Variants in ADAMTS3 observed in about 807,000 individuals in gnomAD.
The protein encoded by ADAMTS3 is ADAM metallopeptidase with thrombospondin type 1 motif 3.
ADAMTS3 carries 73 observed loss-of-function variants against 129.0 expected under a neutral mutation model. The ratio of observed to expected loss-of-function variants is 0.57; its 90% confidence interval spans 0.47 to 0.69. ADAMTS3 has a LOEUF of 0.69. Among genes scored for constraint, ADAMTS3 ranks in the 30% least tolerant of loss-of-function variants. The pLI is 0.00. For synonymous variants in ADAMTS3, 477 were observed against 510.8 expected (o/e 0.93, Z 0.89); for missense variants, 1,457 against 1,514.5 (o/e 0.96, Z 0.63).
intron 5 of ADAMTS3, among the ~76,000 whole-genome samples, chr4:72,328,249 T>C (rs984407881): frequency 2.6e-5 from 4 of 152,242 alleles, no homozygotes; most frequent in African/African-American, 9.6e-5. Context: ...GACCTGATGT[T>C]GGAAGAGTTT....
chr4:72,428,945 TAAGA>T (rs1391910966), intron 3 of ADAMTS3, among the ~76,000 whole-genome samples: 1 of 152,020 alleles, frequency 6.6e-6, no homozygotes, highest in East Asian at 1.9e-4. Context: ...CTTAACTCCT[TAAGA>T]AAGTAGGTCG....
intron 17 of ADAMTS3, among the ~76,000 whole-genome samples, chr4:72,301,195 G>T (rs1718941508): frequency 6.6e-6 from 1 of 151,828 alleles, no homozygotes; most frequent in African/African-American, 2.4e-5. Context: ...ACCAAAAAAA[G>T]TAGGAGAAAA....
In ADAMTS3 at chr4:72,505,768, T is replaced by C. The variant is rs1560541603; in HGVS notation, c.504+42710A>G. On this transcript the variant is annotated intron_variant, in intron 3 of 21. Transcript: ENST00000286657. ...AGCCTAGACTTCTAATCCTGGAAAG[T>C]GGACACTCCAGATGGCTGTAGGTCT... is the stretch of plus-strand genomic sequence containing the variant. 2.0e-5 allele frequency among the ~76,000 whole-genome samples: 3 copies of C among 152,206 alleles called. No individual in the cohort carries two copies. The South Asian group carries it at 6.2e-4, about 31-fold the overall frequency.
chr4:72,409,932 C>G (rs73827091), intron 4 of ADAMTS3, among the ~76,000 whole-genome samples: 5,294 of 152,190 alleles, frequency 0.035, 314 homozygotes, highest in African/African-American at 0.12. Flanking sequence ...TAAGATGATG[C>G]AGGTGTAAAA....
intron 3 of ADAMTS3, among the ~76,000 whole-genome samples, chr4:72,478,149 T>C (rs2110001673): frequency 6.6e-6 from 1 of 152,252 alleles, no homozygotes; most frequent in South Asian, 2.1e-4. Context: ...CTGAAACTAT[T>C]CCAATCAACA....
At chr4:72,405,142 A>G (rs1299837051) in intron 4 of ADAMTS3, among the ~76,000 whole-genome samples, 1 of 152,110 alleles carries the variant, frequency 6.6e-6, no homozygotes. Flanking sequence ...GGCTCCTGAG[A>G]ATATTAAAAA....
chr4:72,366,591 A>G (rs144127841), intron 4 of ADAMTS3, among the ~76,000 whole-genome samples: 1,644 of 152,234 alleles, frequency 0.011, 43 homozygotes, highest in African/African-American at 0.037. Flanking sequence ...AAATTATTAT[A>G]TGCCATATCT....
intron 3 of ADAMTS3, among the ~76,000 whole-genome samples, chr4:72,450,922 G>GGGAAGGAAGGAA (rs4019789): frequency 1.3e-4 from 19 of 144,216 alleles, no homozygotes; most frequent in Middle Eastern, 3.3e-3. Context: ...GAGGAGAGCA[G>GGGAAGGAAGGAA]GGAAGGAAGG....
At position 72,500,612 on chromosome 4, in the gene ADAMTS3, A is replaced by C. The variant is rs186274785; in HGVS notation, c.504+47866T>G. Among the ~76,000 whole-genome samples, 15 of 152,188 alleles carry C rather than the reference A, an allele frequency of 9.9e-5. No individual in the cohort carries two copies. In the East Asian group the frequency reaches 2.7e-3, roughly 27 times the overall value. The stretch of plus-strand genomic sequence containing the variant: ...ATTTTGCTGTACAGAAAAGCTCTTT[A>C]GTTTAATTATGTTCTCCTTGTCAGT... On this transcript the variant is annotated intron_variant, in intron 3 of 21. Transcript: ENST00000286657.
At chr4:72,436,027 T>G (rs1717901804) in intron 3 of ADAMTS3, among the ~76,000 whole-genome samples, 1 of 152,008 alleles carries the variant, frequency 6.6e-6, no homozygotes, top group South Asian at 2.1e-4. Flanking sequence ...CTAAAGAGCT[T>G]CTGCGCAACA....
At chr4:72,403,068 T>A (rs1721965296) in intron 4 of ADAMTS3, among the ~76,000 whole-genome samples, 1 of 152,126 alleles carries the variant, frequency 6.6e-6, no homozygotes, top group Non-Finnish European at 1.5e-5. Flanking sequence ...CAAAGTGTTC[T>A]TTAAGCTTTA....
Position 72,478,769 on chromosome 4 carries a change from G to C in ADAMTS3, c.505-63798C>G, listed in dbSNP as rs76129059. ...AGTCAAATTGTCCCTGTTTGCAGTT[G>C]ACATGATTCTATATCTAGAAAACCC... is the stretch of plus-strand genomic sequence containing the variant. On this transcript the variant is annotated intron_variant, in intron 3 of 21. Coordinates refer to ENST00000286657, the MANE Select transcript of ADAMTS3 (RefSeq NM_014243.3). Among the ~76,000 whole-genome samples, 3 of 151,996 alleles carry C rather than the reference G, an allele frequency of 2.0e-5. No homozygotes were observed. The East Asian group carries it at 5.8e-4, about 29-fold the overall frequency.
At chr4:72,292,683 A>G (rs978040908) in intron 19 of ADAMTS3, among the ~76,000 whole-genome samples, 2 of 152,204 alleles carry the variant, frequency 1.3e-5, no homozygotes, top group East Asian at 3.9e-4. Context: ...TGGTTATGCA[A>G]GCTGTCTGTA....
At chr4:72,519,278 C>T (rs1349550723) in intron 3 of ADAMTS3, among the ~76,000 whole-genome samples, 1 of 152,170 alleles carries the variant, frequency 6.6e-6, no homozygotes, top group African/African-American at 2.4e-5. Flanking sequence ...ACATTTTTTC[C>T]TTCATTTCAA....
At chr4:72,562,962 A>C (rs1027080735) in intron 2 of ADAMTS3, among the ~76,000 whole-genome samples, 4 of 152,198 alleles carry the variant, frequency 2.6e-5, no homozygotes, top group Non-Finnish European at 5.9e-5. Flanking sequence ...TCTTCATATC[A>C]AAATTACTCA....
intron 4 of ADAMTS3, among the ~76,000 whole-genome samples, chr4:72,343,476 TTTC>T (rs1720192423): frequency 6.6e-6 from 1 of 152,172 alleles, no homozygotes; most frequent in South Asian, 2.1e-4. Flanking sequence ...ACCTAGATAA[TTTC>T]TTCTTTACTC....
chr4:72,291,973 G>A (rs193079094), intron 19 of ADAMTS3, among the ~76,000 whole-genome samples: 71 of 152,216 alleles, frequency 4.7e-4, no homozygotes, highest in Non-Finnish European at 7.9e-4. Flanking sequence ...TTTCCTAAAG[G>A]ATGATCTACA....
chr4:72,382,992 A>AATACCATGC (rs1721333804), intron 4 of ADAMTS3, among the ~76,000 whole-genome samples: 1 of 152,216 alleles, frequency 6.6e-6, no homozygotes, highest in Non-Finnish European at 1.5e-5. Flanking sequence ...ATACCCATGT[A>AATACCATGC]ACAAACCTGC....
rs113724540 is a variant in ADAMTS3, at chr4:72,492,592, T to C, written c.504+55886A>G. Reference sequence around the variant, plus strand: ...AAAAGTGATTTTTATTTTGGAATGATTTTTATTTTCTTAAATTTGTTGAGA... The same window carrying C: ...AAAAGTGATTTTTATTTTGGAATGACTTTTATTTTCTTAAATTTGTTGAGA... On this transcript the variant is annotated intron_variant, in intron 3 of 21. Transcript: ENST00000286657. Among the ~76,000 whole-genome samples, 525 of 152,032 alleles carry C rather than the reference T, an allele frequency of 3.5e-3. 6 individuals carry two copies. The highest frequency in any genetic ancestry group is 0.012 in the African/African-American group (502 of 41,554).
Sources: gnomAD v4.1 joint callset for allele counts (sites outside exome capture counted in the v4.1 genomes callset) on GRCh38, gnomAD v4.1.1 for gene constraint, MANE v1.5 for transcripts, NCBI Gene and HGNC (gene_info 2026-07-23, HGNC 2026-07-21) for gene names.